The following GALNT13 variants were observed in gnomAD, a reference collection of about 807,000 sequenced individuals.
GALNT13 encodes polypeptide N-acetylgalactosaminyltransferase 13.
GALNT13 carries 28 observed loss-of-function variants against 64.2 expected under a neutral mutation model. The observed-to-expected ratio is 0.44, with a 90% confidence interval of 0.32 to 0.60. GALNT13 has a LOEUF of 0.60. GALNT13 is among the 20% of genes least tolerant of loss of function. The pLI is 0.05. For synonymous variants in GALNT13, 214 were observed against 224.6 expected (o/e 0.95, Z 0.42); for missense variants, 577 against 669.8 (o/e 0.86, Z 1.53).
the GALNT13 span, among the ~76,000 whole-genome samples, chr2:153,161,847 C>T: frequency 6.6e-6 from 1 of 152,154 alleles, no homozygotes; most frequent in Non-Finnish European, 1.5e-5. Flanking sequence ...CAATCTTTTG[C>T]ACTTGTTTCA....
rs182860668 is a variant in GALNT13, at chr2:154,228,265, T to C, written c.312-13765T>C. Among the ~76,000 whole-genome samples, 1,367 of 152,220 alleles carry C rather than the reference T, an allele frequency of 9.0e-3. 20 individuals carry two copies. The highest frequency in any genetic ancestry group is 0.029 in the African/African-American group (1,216 of 41,542). ...CTGGCAGAGATCTACACTTTTTTTT[T>C]CCCCCTAAATGGGAAAGGGTTAATA... is the stretch of plus-strand genomic sequence containing the variant. On this transcript the variant is annotated intron_variant, in intron 4 of 12. Transcript: ENST00000392825.
the GALNT13 span, among the ~76,000 whole-genome samples, chr2:153,380,686 A>T: frequency 1.3e-5 from 2 of 152,122 alleles, no homozygotes; most frequent in Non-Finnish European, 2.9e-5. Flanking sequence ...CCAAATTTAC[A>T]ACTGAAGGTC....
At chr2:153,719,265 C>T in the GALNT13 span, among the ~76,000 whole-genome samples, 4 of 151,744 alleles carry the variant, frequency 2.6e-5, no homozygotes, top group Admixed American at 2.6e-4. Flanking sequence ...ATTCCTACTA[C>T]ATAAAGATAC....
chr2:154,309,857 T>C lies in GALNT13; in HGVS notation c.1156+8268T>C, dbSNP rs1454767537. Among the ~76,000 whole-genome samples the C allele has an allele frequency of 3.3e-5, 5 of 152,168 alleles. No homozygotes were observed. The East Asian group carries it at 9.6e-4, about 29-fold the overall frequency. On this transcript the variant is annotated intron_variant, in intron 9 of 12. Coordinates refer to ENST00000392825, the MANE Select transcript of GALNT13 (RefSeq NM_052917.4). Reference sequence around the variant, plus strand: ...AATTATCACTGGTCTCTTATTTTCCTAACAACCTTTTAATGACTTAACACA... The same window carrying C: ...AATTATCACTGGTCTCTTATTTTCCCAACAACCTTTTAATGACTTAACACA...
chr2:153,923,847 A>G (rs1032968970), intron 2 of GALNT13, among the ~76,000 whole-genome samples: 3 of 151,982 alleles, frequency 2.0e-5, no homozygotes, highest in Non-Finnish European at 2.9e-5. Context: ...AGCTTCATCC[A>G]TGTCCCTACG....
chr2:153,688,991 G>GGTGTGTGTGTGTGTGT, the GALNT13 span, among the ~76,000 whole-genome samples: 22 of 130,218 alleles, frequency 1.7e-4, no homozygotes, highest in East Asian at 3.3e-3. Context: ...TAGAGGTAGG[G>GGTGTGTGTGTGTGTGT]GTGTGTGTGT....
At chr2:153,277,908 C>CTTTTCTTTTTTTTTTTTTTTT in the GALNT13 span, among the ~76,000 whole-genome samples, 6 of 69,624 alleles carry the variant, frequency 8.6e-5, no homozygotes, top group Admixed American at 2.9e-4. Context: ...TTTCTTTTTT[C>CTTTTCTTTTTTTTTTTTTTTT]TTTTGTTTTC....
intron 4 of GALNT13, among the ~76,000 whole-genome samples, chr2:154,156,874 C>T (rs1020462432): frequency 1.3e-5 from 2 of 152,108 alleles, no homozygotes; most frequent in African/African-American, 4.8e-5. Flanking sequence ...TATTCCATCT[C>T]CTCATGCACA....
At chr2:154,052,101 T>A (rs752529592) in intron 3 of GALNT13, among the ~76,000 whole-genome samples, 8 of 152,142 alleles carry the variant, frequency 5.3e-5, no homozygotes, top group Non-Finnish European at 1.0e-4. Context: ...TAATAATCAT[T>A]ACCTCTTGAA....
chr2:153,330,192 G>A, the GALNT13 span, among the ~76,000 whole-genome samples: 1 of 152,182 alleles, frequency 6.6e-6, no homozygotes, highest in African/African-American at 2.4e-5. Flanking sequence ...TTATAGTATA[G>A]TTTGAAGTCA....
the GALNT13 span, among the ~76,000 whole-genome samples, chr2:153,242,826 G>C: frequency 2.0e-5 from 3 of 152,168 alleles, no homozygotes; most frequent in African/African-American, 7.2e-5. Context: ...AAACAGAGGG[G>C]GCACCACAGA....
At chr2:153,492,700 A>G in the GALNT13 span, among the ~76,000 whole-genome samples, 6 of 152,224 alleles carry the variant, frequency 3.9e-5, no homozygotes, top group African/African-American at 1.4e-4. Flanking sequence ...AATAGTCTTG[A>G]CTCAATAGAT....
chr2:154,159,600 T>C (rs1684617406), intron 4 of GALNT13, among the ~76,000 whole-genome samples: 1 of 152,128 alleles, frequency 6.6e-6, no homozygotes, highest in African/African-American at 2.4e-5. Flanking sequence ...AAAAGTAAAC[T>C]TAATAGGTTT....
At chr2:154,130,977 CA>C (rs1160126483) in intron 3 of GALNT13, among the ~76,000 whole-genome samples, 2 of 151,148 alleles carry the variant, frequency 1.3e-5, no homozygotes, top group South Asian at 4.2e-4. Flanking sequence ...ATGGTTATTT[CA>C]AAAAAAAATT....
chr2:153,334,967 A>G, the GALNT13 span, among the ~76,000 whole-genome samples: 1 of 152,170 alleles, frequency 6.6e-6, no homozygotes, highest in South Asian at 2.1e-4. Context: ...AGATAATTGA[A>G]TCATGGGGGC....
At chr2:154,225,131 G>GAT (rs1559034958) in intron 4 of GALNT13, among the ~76,000 whole-genome samples, 1 of 116,666 alleles carries the variant, frequency 8.6e-6, no homozygotes, top group African/African-American at 3.1e-5. Context: ...TAGATAGATA[G>GAT]ATAGATAGAT....
chr2:154,065,475 G>C (rs552791906), intron 3 of GALNT13, among the ~76,000 whole-genome samples: 1 of 152,140 alleles, frequency 6.6e-6, no homozygotes, highest in Non-Finnish European at 1.5e-5. Context: ...GCCAGTGGTG[G>C]TACCTGCCAC....
chr2:153,299,580 T>C, the GALNT13 span, among the ~76,000 whole-genome samples: 2 of 152,174 alleles, frequency 1.3e-5, no homozygotes, highest in Admixed American at 6.5e-5. Context: ...ATAAAATCCT[T>C]AGCCAGTCTC....
chr2:154,107,603 AAG>A (rs1702695084), intron 3 of GALNT13, among the ~76,000 whole-genome samples: 2 of 151,594 alleles, frequency 1.3e-5, no homozygotes. Flanking sequence ...AAAAAAAAAA[AAG>A]AAAGAAAAGA....
Sources: gnomAD v4.1 joint callset for allele counts (sites outside exome capture counted in the v4.1 genomes callset) on GRCh38, gnomAD v4.1.1 for gene constraint, MANE v1.5 for transcripts, NCBI Gene and HGNC (gene_info 2026-07-23, HGNC 2026-07-21) for gene names.